ARHGAP26: variants seen among roughly 807,000 people sequenced by gnomAD.
ARHGAP26 encodes Rho GTPase activating protein 26, also known as rho GTPase-activating protein 26.
ARHGAP26 carries 38 observed loss-of-function variants against 104.8 expected under a neutral mutation model. That is an observed-to-expected ratio of 0.36 (90% CI 0.28 to 0.48). ARHGAP26 has a LOEUF of 0.48. Among genes scored for constraint, ARHGAP26 ranks in the 20% least tolerant of loss-of-function variants. ARHGAP26 has a pLI of 0.99. For synonymous variants in ARHGAP26, 341 were observed against 340.0 expected, an observed-to-expected ratio of 1.00 and a Z score of -0.03; for missense variants, 704 against 947.9, an observed-to-expected ratio of 0.74 and a Z score of 3.38.
intron 1 of ARHGAP26, among the ~76,000 whole-genome samples, chr5:142,798,454 C>T (rs1761423432): frequency 6.6e-6 from 1 of 152,200 alleles, no homozygotes; most frequent in Admixed American, 6.5e-5. Flanking sequence ...CATTGGTAGG[C>T]TTCTTTGGTG....
At chr5:142,811,859 C>G (rs1472969509) in intron 1 of ARHGAP26, among the ~76,000 whole-genome samples, 1 of 152,188 alleles carries the variant, frequency 6.6e-6, no homozygotes, top group African/African-American at 2.4e-5. Context: ...TTCAGTAGCA[C>G]CCAACTGAAA....
intron 11 of ARHGAP26, among the ~76,000 whole-genome samples, chr5:142,975,878 A>AT (rs1301346508): frequency 6.6e-6 from 1 of 152,230 alleles, no homozygotes; most frequent in East Asian, 1.9e-4. Context: ...TTCAACTATA[A>AT]GCATTCTGCA....
chr5:142,889,748 G>T (rs1265784162), intron 5 of ARHGAP26, among the ~76,000 whole-genome samples: 1 of 152,126 alleles, frequency 6.6e-6, no homozygotes, highest in Non-Finnish European at 1.5e-5. Flanking sequence ...GAAGGAATGA[G>T]CTAATGAAAG....
In ARHGAP26 at chr5:142,849,314, C is replaced by T. The variant is rs140895707; in HGVS notation, c.155-24086C>T. Among the ~76,000 whole-genome samples the T allele has an allele frequency of 9.1e-4, 138 of 152,320 alleles. 2 individuals carry two copies. The highest frequency in any genetic ancestry group is 3.2e-3 in the African/African-American group (131 of 41,568). On this transcript the variant is annotated intron_variant, in intron 1 of 22. Transcript: ENST00000645722. ...GTTCTCACACCAAAAAGACCCAAGA[C>T]TTCAGAGCAGGGGAGGCACACCTCT...
chr5:143,024,043 C>T (rs1359532424), intron 12 of ARHGAP26, among the ~76,000 whole-genome samples: 1 of 152,236 alleles, frequency 6.6e-6, no homozygotes, highest in Non-Finnish European at 1.5e-5. Flanking sequence ...GCCTGTGCAA[C>T]ACAGTTGCTG....
rs1191462637 is a variant in ARHGAP26 at position 143,133,948 on chromosome 5, T to C, written c.1699-19T>C. 1 of 1,600,572 alleles carries C rather than the reference T, an allele frequency of 6.2e-7. No homozygotes were observed. The highest frequency in any genetic ancestry group is 8.5e-7 in the Non-Finnish European group (1 of 1,172,120). ...AGTCCACAGATGTGAGTAACCTTGT[T>C]GTGAAACTTCGTTTGCAGATATTTA... On this transcript the variant is annotated intron_variant, in intron 18 of 22. Transcript: ENST00000645722.
intron 17 of ARHGAP26, among the ~76,000 whole-genome samples, chr5:143,080,613 C>G (rs1260839654): frequency 1.3e-5 from 2 of 152,154 alleles, no homozygotes; most frequent in East Asian, 3.8e-4. Flanking sequence ...GTGGAAACAC[C>G]CTGGGCGTGG....
chr5:143,207,015 A>G (rs955671242), intron 20 of ARHGAP26, among the ~76,000 whole-genome samples, 183 bp from the exon 21 acceptor site: 1 of 152,202 alleles, frequency 6.6e-6, no homozygotes, highest in Non-Finnish European at 1.5e-5. Flanking sequence ...TACAGAACAG[A>G]CGTTTACTTG....
At chr5:142,980,338 A>G (rs865870578) in intron 11 of ARHGAP26, among the ~76,000 whole-genome samples, 1 of 142,776 alleles carries the variant, frequency 7.0e-6, no homozygotes, top group Admixed American at 6.9e-5. Flanking sequence ...ATTGTGCATA[A>G]AGCCTCTAGG....
intron 1 of ARHGAP26, among the ~76,000 whole-genome samples, chr5:142,812,099 G>A (rs969635510): frequency 4.0e-5 from 6 of 151,792 alleles, no homozygotes; most frequent in South Asian, 2.1e-4. Flanking sequence ...TCCCCACCCC[G>A]TCTACTGCCT....
intron 13 of ARHGAP26, among the ~76,000 whole-genome samples, chr5:143,041,327 T>A (rs1445219359): frequency 6.6e-6 from 1 of 152,238 alleles, no homozygotes; most frequent in Non-Finnish European, 1.5e-5. Flanking sequence ...TGAATGGATC[T>A]TCTAATTTCT....
rs972664912 is a variant in ARHGAP26, at chr5:143,147,244, C to G, written c.1851C>G (p.Asn617Lys). 3.1e-6 allele frequency: 5 copies of G among 1,613,804 alleles called. No individual in the cohort carries two copies. Among genetic ancestry groups the G allele is most frequent in the South Asian group, 1.1e-5 (1 of 91,068 alleles). ...TTTCCCCCCCAGAGGAACAAAGGAACAGCATCATCAACTCCAGTTTGGAAT... is the reference window on the plus strand; with the variant it reads ...TTTCCCCCCCAGAGGAACAAAGGAAGAGCATCATCAACTCCAGTTTGGAAT... Reference protein sequence around the residue: ...VQSTEKQEQRNSIINSSLESV... With the variant: ...VQSTEKQEQRKSIINSSLESV... The change falls in exon 20 of 23, where the codon AAC becomes AAG. Residue 617 changes from asparagine (N) to lysine (K), a missense_variant. This residue lies in a region of ARHGAP26 where 217 missense variants were observed against 242.6 expected (regional missense o/e 0.89). Transcript: ENST00000645722.
intron 21 of ARHGAP26, among the ~76,000 whole-genome samples, chr5:143,210,310 G>A (rs1271836572): frequency 2.6e-5 from 4 of 152,046 alleles, no homozygotes; most frequent in African/African-American, 7.2e-5. Flanking sequence ...ATCAGATCTC[G>A]TGAGACCCAT....
chr5:142,784,539 A>G (rs1022388833), intron 1 of ARHGAP26, among the ~76,000 whole-genome samples: 2 of 152,216 alleles, frequency 1.3e-5, no homozygotes, highest in African/African-American at 2.4e-5. Flanking sequence ...TAAGAAAGAC[A>G]ATTTGTTTTT....
At chr5:143,190,047 A>AG (rs1304022902) in intron 20 of ARHGAP26, among the ~76,000 whole-genome samples, 1 of 151,962 alleles carries the variant, frequency 6.6e-6, no homozygotes, top group East Asian at 1.9e-4. Context: ...AAAAAAAAAA[A>AG]AGACCTGGTT....
At chr5:142,815,070 G>A (rs1480213830) in intron 1 of ARHGAP26, among the ~76,000 whole-genome samples, 1 of 152,108 alleles carries the variant, frequency 6.6e-6, no homozygotes, top group African/African-American at 2.4e-5. Flanking sequence ...GCATGATCTC[G>A]GCTCACTGCA....
intron 11 of ARHGAP26, among the ~76,000 whole-genome samples, chr5:142,958,686 G>A (rs1769654744): frequency 6.6e-6 from 1 of 152,052 alleles, no homozygotes; most frequent in South Asian, 2.1e-4. Context: ...AACAGTATAA[G>A]TAGATTCCTT....
At chr5:142,792,920 C>G (rs1050390777) in intron 1 of ARHGAP26, among the ~76,000 whole-genome samples, 1 of 152,158 alleles carries the variant, frequency 6.6e-6, no homozygotes, top group Non-Finnish European at 1.5e-5. Context: ...AAGCCTATTT[C>G]ATCTATTTTG....
At position 142,885,294 on chromosome 5, in the gene ARHGAP26, C is replaced by T; in HGVS notation, c.385-4C>T. The stretch of plus-strand genomic sequence containing the variant: ...TTTCTTTTTCTCTTCTCTTTTTTTG[C>T]CAGGAAGCCAAAAAGAAGTATGACA... On this transcript the variant is annotated splice_polypyrimidine_tract_variant and splice_region_variant and intron_variant, in intron 4 of 22. Coordinates refer to ENST00000645722, the MANE Select transcript of ARHGAP26 (RefSeq NM_001135608.3). 6.2e-7 allele frequency: 1 copy of T among 1,610,808 alleles called. No homozygotes were observed. The highest frequency in any genetic ancestry group is 1.3e-5 in the African/African-American group (1 of 74,770).
Sources: gnomAD v4.1 joint callset for allele counts (sites outside exome capture counted in the v4.1 genomes callset) on GRCh38, gnomAD v4.1.1 for gene constraint, gnomAD v4.1.1 regional missense constraint, MANE v1.5 for transcripts, NCBI Gene and HGNC (gene_info 2026-07-23, HGNC 2026-07-21) for gene names.